PTPN1: variants seen among roughly 807,000 people sequenced by gnomAD.
The protein encoded by PTPN1 is tyrosine-protein phosphatase non-receptor type 1.
In PTPN1, 12 loss-of-function variants were observed where a neutral mutation model predicts 59.9. That is an observed-to-expected ratio of 0.20 (90% confidence interval 0.13 to 0.32). PTPN1 has a LOEUF of 0.32. Among genes scored for constraint, PTPN1 ranks in the 10% least tolerant of loss-of-function variants. The pLI is 1.00. For synonymous variants in PTPN1, 178 were observed against 203.6 expected, an observed-to-expected ratio of 0.87 and a Z score of 1.07; for missense variants, 356 against 549.2, an observed-to-expected ratio of 0.65 and a Z score of 3.52.
Position 50,574,571 on chromosome 20 carries a change from G to C in PTPN1, c.409G>C (p.Asp137His). 6.2e-7 allele frequency: 1 copy of C among 1,607,418 alleles called. No individual in the cohort carries two copies. The highest frequency in any genetic ancestry group is 8.5e-7 in the Non-Finnish European group (1 of 1,177,866). ...QKEEKEMIFE[D>H]TNLKLTLISE... is the part of the protein sequence containing the mutation. ...AGAAGAAAAAGAGATGATCTTTGAA[G>C]ACACAAATTTGAAATTAACATTGAT... Residue 137 changes from aspartate to histidine, a missense_variant, in exon 5 of 10, where the codon GAC (aspartate) becomes CAC (histidine). Transcript: ENST00000371621.
chr20:50,540,060 A>T (rs934255043), intron 1 of PTPN1, among the ~76,000 whole-genome samples: 3 of 151,884 alleles, frequency 2.0e-5, no homozygotes, highest in Non-Finnish European at 4.4e-5. Flanking sequence ...TATTAAAAAA[A>T]AATTTTTTTT....
At chr20:50,558,232 TC>T (rs1158660970) in intron 1 of PTPN1, among the ~76,000 whole-genome samples, 2 of 152,190 alleles carry the variant, frequency 1.3e-5, no homozygotes, top group African/African-American at 4.8e-5. Flanking sequence ...TTCCACAAGA[TC>T]AGTGAGTGCT....
In PTPN1 at chr20:50,581,301, G is replaced by T. The variant is rs149610824; in HGVS notation, c.1125G>T (p.Val375=). 8.7e-6 allele frequency: 14 copies of T among 1,612,992 alleles called. No homozygotes were observed. Among genetic ancestry groups the T allele is most frequent in the South Asian group, 7.7e-5 (7 of 91,046 alleles). ...SQDTEVRSRV[V]GGSLRGAQAA... ...ACACTGAAGTTAGAAGTCGGGTCGT[G>T]GGGGGAAGTCTTCGAGGTGCCCAGG... The change falls in exon 9 of 10, where the codon GTG becomes GTT. Residue 375 remains valine (V), a synonymous_variant. Coordinates refer to ENST00000371621, the MANE Select transcript of PTPN1 (RefSeq NM_002827.4).
intron 1 of PTPN1, among the ~76,000 whole-genome samples, chr20:50,521,251 G>C (rs1347738603): frequency 1.3e-5 from 2 of 152,140 alleles, no homozygotes; most frequent in African/African-American, 4.8e-5. Context: ...TTTGTAATTG[G>C]ACTAAAAAAT....
intron 1 of PTPN1, among the ~76,000 whole-genome samples, chr20:50,554,289 A>G (rs1310281898): frequency 6.6e-6 from 1 of 152,110 alleles, no homozygotes; most frequent in Non-Finnish European, 1.5e-5. Flanking sequence ...CTGGAGGCTA[A>G]GAAGGGAGGA....
chr20:50,563,184 TC>T (rs1464735626), intron 2 of PTPN1: 1 of 151,632 alleles, frequency 6.6e-6, no homozygotes, highest in Non-Finnish European at 1.5e-5. Context: ...CCTCTTATCT[TC>T]CTCCCGTACT....
chr20:50,545,704 C>T (rs13045716), intron 1 of PTPN1, among the ~76,000 whole-genome samples: 63 of 151,862 alleles, frequency 4.1e-4, no homozygotes, highest in Middle Eastern at 3.4e-3. Context: ...GGCCTTTGAA[C>T]GATTCATTCT....
rs1300383952 is a variant in PTPN1 at position 50,579,393 on chromosome 20, CT to C, written c.864+65del. 7.1e-6 allele frequency: 11 copies of C among 1,542,644 alleles called. No individual in the cohort carries two copies. In the African/African-American group the frequency reaches 1.5e-4, roughly 21 times the overall value. ...TTAACTTTTTTGTCTTTGAAGGAGG[CT>C]GTCAGTTGTAAAAGTTCAAACACCG... On this transcript the variant is annotated intron_variant, in intron 7 of 9. Transcript: ENST00000371621.
intron 1 of PTPN1, among the ~76,000 whole-genome samples, chr20:50,552,754 C>A (rs1174155020): frequency 2.0e-5 from 3 of 151,006 alleles, no homozygotes; most frequent in African/African-American, 7.3e-5. Context: ...CCAGCATGCT[C>A]TCCCTGACCT....
intron 1 of PTPN1, among the ~76,000 whole-genome samples, chr20:50,545,250 C>T (rs747111842): frequency 6.6e-6 from 1 of 152,160 alleles, no homozygotes; most frequent in African/African-American, 2.4e-5. Flanking sequence ...GCCACTGCAC[C>T]TGGCCCAGAT....
rs781236833 is a variant in PTPN1 at position 50,530,175 on chromosome 20, ATT to A, written c.63+19606_63+19607del. ...AGGCCTTAGCCACTGTGCCTGGCTG[ATT>A]TTTTTTTTTTTTTTTTTTTTAGGTT... is the stretch of plus-strand genomic sequence containing the variant. On this transcript the variant is annotated intron_variant, in intron 1 of 9. Transcript: ENST00000371621. Among the ~76,000 whole-genome samples the A allele has an allele frequency of 1.9e-3, 225 of 121,042 alleles. 1 individual carries two copies. Among genetic ancestry groups the A allele is most frequent in the African/African-American group, 4.9e-3 (158 of 32,328 alleles). 79.4% of individuals were successfully genotyped at this position (121,042 alleles called of 152,430 possible). A position where few individuals can be genotyped will look rare whatever the true frequency, so the allele number is the denominator to read the frequency against.
At chr20:50,576,253 TTAAG>T (rs1206589497) in intron 5 of PTPN1, among the ~76,000 whole-genome samples, 1 of 152,182 alleles carries the variant, frequency 6.6e-6, no homozygotes, top group Non-Finnish European at 1.5e-5. Flanking sequence ...AAGCCTGACA[TTAAG>T]AGTGACTTCT....
At chr20:50,573,721 T>C (rs1246278707) in intron 4 of PTPN1, 1 of 152,254 alleles carries the variant, frequency 6.6e-6, no homozygotes, top group Non-Finnish European at 1.5e-5. Context: ...CTGCCATTTT[T>C]GTCCACAACA....
At position 50,583,022 on chromosome 20, in the gene PTPN1, C is replaced by G. The variant is rs2082877147; in HGVS notation, c.*307C>G. 2.3e-6 allele frequency: 1 copy of G among 430,316 alleles called. No individual in the cohort carries two copies. Among genetic ancestry groups the G allele is most frequent in the Admixed American group, 3.6e-5 (1 of 27,956 alleles). 26.7% of individuals were successfully genotyped at this position (430,316 alleles called of 1,614,324 possible). ...CCTACACCCGTCTTGGGGCTCGCCC[C>G]ACCCAGGGCTCCCTCCTGGAGCATC... On this transcript the variant is annotated 3_prime_UTR_variant, in exon 10 of 10. Transcript: ENST00000371621.
rs533248512 is a variant in PTPN1 at position 50,575,042 on chromosome 20, G to A, written c.492+388G>A. On this transcript the variant is annotated intron_variant, in intron 5 of 9. Coordinates refer to ENST00000371621, the MANE Select transcript of PTPN1 (RefSeq NM_002827.4). Reference sequence around the variant, plus strand: ...AAGAGAGGGAAGAAGGGGTATAGGGGCTCACTCCAGTTTCATAGCTAGTGA... The same window carrying A: ...AAGAGAGGGAAGAAGGGGTATAGGGACTCACTCCAGTTTCATAGCTAGTGA... 105 of 177,608 alleles carry A rather than the reference G, an allele frequency of 5.9e-4. 1 individual carries two copies. The highest frequency in any genetic ancestry group is 1.8e-3 in the Admixed American group (28 of 15,644). 11.0% of individuals were successfully genotyped at this position (177,608 alleles called of 1,614,324 possible).
At chr20:50,560,753 T>A (rs1404385873) in intron 1 of PTPN1, among the ~76,000 whole-genome samples, 3 of 152,096 alleles carry the variant, frequency 2.0e-5, no homozygotes, top group Non-Finnish European at 4.4e-5. Context: ...CAATATAAAA[T>A]TTTTTAAGTA....
chr20:50,544,096 G>A (rs2082664516), intron 1 of PTPN1, among the ~76,000 whole-genome samples: 1 of 151,906 alleles, frequency 6.6e-6, no homozygotes, highest in East Asian at 1.9e-4. Flanking sequence ...CGCCTGCCTC[G>A]GCCTCCCAAA....
intron 2 of PTPN1, among the ~76,000 whole-genome samples, chr20:50,562,495 T>A (rs572802607): frequency 4.6e-5 from 7 of 152,340 alleles, no homozygotes; most frequent in Admixed American, 4.6e-4. Context: ...ACTGAGTGGC[T>A]TCGGGCAAGT....
chr20:50,562,377 C>T (rs1258531900), intron 2 of PTPN1, among the ~76,000 whole-genome samples: 1 of 152,170 alleles, frequency 6.6e-6, no homozygotes, highest in Non-Finnish European at 1.5e-5. Flanking sequence ...CGCCCAGATT[C>T]CTGGAAGGGG....
Sources: gnomAD v4.1 joint callset for allele counts (sites outside exome capture counted in the v4.1 genomes callset) on GRCh38, gnomAD v4.1.1 for gene constraint, MANE v1.5 for transcripts, NCBI Gene and HGNC (gene_info 2026-07-23, HGNC 2026-07-21) for gene names.